CIMAP3: variants seen among roughly 807,000 people sequenced by gnomAD.
CIMAP3 encodes the protein ciliary microtubule-associated protein 3.
At chr1:111,346,397 C>T in the CIMAP3 span, 4 of 470,020 alleles carry the variant, frequency 8.5e-6, no homozygotes, top group African/African-American at 7.9e-5. Context: ...GCCGCCCCGT[C>T]AACCCTGCAG....
At chr1:111,335,127 CAAAAAAAAAAAA>C in the CIMAP3 span, among the ~76,000 whole-genome samples, 4 of 29,318 alleles carry the variant, frequency 1.4e-4, no homozygotes, top group South Asian at 2.1e-3. Flanking sequence ...GTCTCTGTCT[CAAAAAAAAAAAA>C]AAAAAAAAAA....
chr1:111,350,033 C>A, the CIMAP3 span: 1 of 1,205,786 alleles, frequency 8.3e-7, no homozygotes, highest in Non-Finnish European at 1.2e-6. Flanking sequence ...AGTCCAGGGA[C>A]GGCTCTGGTA....
the CIMAP3 span, chr1:111,347,121 C>A: frequency 1.3e-6 from 2 of 1,485,410 alleles, no homozygotes; most frequent in Non-Finnish European, 1.8e-6. Flanking sequence ...TTCCAAGTTT[C>A]GTAAAAGAAA....
At chr1:111,350,353 A>C in the CIMAP3 span, 3 of 707,352 alleles carry the variant, frequency 4.2e-6, no homozygotes, top group Non-Finnish European at 7.3e-6. Context: ...TATATGCACA[A>C]TTTTGTGTGT....
chr1:111,331,474 G>A, the CIMAP3 span, among the ~76,000 whole-genome samples: 1 of 152,022 alleles, frequency 6.6e-6, no homozygotes, highest in Non-Finnish European at 1.5e-5. Flanking sequence ...ACTTAGTCCA[G>A]TCTGTTGTTG....
At chr1:111,334,252 A>G in the CIMAP3 span, among the ~76,000 whole-genome samples, 161 of 152,348 alleles carry the variant, frequency 1.1e-3, no homozygotes, top group African/African-American at 3.7e-3. Context: ...ATACCAAGAA[A>G]GAAAGAACAT....
At chr1:111,340,426 A>C in the CIMAP3 span, among the ~76,000 whole-genome samples, 2 of 152,254 alleles carry the variant, frequency 1.3e-5, no homozygotes, top group Middle Eastern at 3.4e-3. Context: ...GGCAACCCAC[A>C]AAATTGGAGA....
At chr1:111,351,318 T>C in the CIMAP3 span, 26 of 1,578,320 alleles carry the variant, frequency 1.6e-5, no homozygotes, top group Non-Finnish European at 2.1e-5. Flanking sequence ...TAAGCCTGTA[T>C]TATAATTGAG....
the CIMAP3 span, chr1:111,346,239 C>T: frequency 6.0e-6 from 1 of 166,352 alleles, no homozygotes; most frequent in Non-Finnish European, 1.3e-5. Context: ...TGGGGCGTTG[C>T]CCAGGGAGTC....
At chr1:111,350,935 A>G in the CIMAP3 span, among the ~76,000 whole-genome samples, 1 of 152,220 alleles carries the variant, frequency 6.6e-6, no homozygotes, top group Non-Finnish European at 1.5e-5. Flanking sequence ...TTAAATGCCA[A>G]ATGTATTAAC....
chr1:111,340,845 TC>T, the CIMAP3 span, among the ~76,000 whole-genome samples: 1 of 152,194 alleles, frequency 6.6e-6, no homozygotes, highest in East Asian at 1.9e-4. Flanking sequence ...GACCCAGCCA[TC>T]CCATTACTGG....
the CIMAP3 span, among the ~76,000 whole-genome samples, chr1:111,334,434 C>A: frequency 6.6e-6 from 1 of 152,096 alleles, no homozygotes; most frequent in Admixed American, 6.5e-5. Context: ...AAAAACCAAA[C>A]AAGCCAGACA....
chr1:111,348,499 C>CT, the CIMAP3 span: 1 of 1,586,258 alleles, frequency 6.3e-7, no homozygotes, highest in African/African-American at 1.4e-5. Flanking sequence ...ACATAATGAT[C>CT]TTTTTCTTGG....
At chr1:111,351,369 T>C in the CIMAP3 span, 1 of 1,444,516 alleles carries the variant, frequency 6.9e-7, no homozygotes, top group Middle Eastern at 1.8e-4. Flanking sequence ...ATACACAGAC[T>C]CTCCAGGACT....
the CIMAP3 span, among the ~76,000 whole-genome samples, chr1:111,344,389 T>C: frequency 6.6e-6 from 1 of 152,314 alleles, no homozygotes; most frequent in East Asian, 1.9e-4. Context: ...TGTTTCCGAG[T>C]TCTCAGAGGC....
At chr1:111,329,406 G>A in the CIMAP3 span, among the ~76,000 whole-genome samples, 1 of 151,460 alleles carries the variant, frequency 6.6e-6, no homozygotes. Flanking sequence ...GCATGGTTGG[G>A]GAAGTTTTCA....
chr1:111,342,836 A>G, the CIMAP3 span, among the ~76,000 whole-genome samples: 7 of 152,142 alleles, frequency 4.6e-5, no homozygotes, highest in Non-Finnish European at 8.8e-5. Flanking sequence ...GAATGGCAGG[A>G]GAGGTGCCAC....
the CIMAP3 span, among the ~76,000 whole-genome samples, chr1:111,340,494 G>T: frequency 6.0e-3 from 904 of 150,300 alleles, 4 homozygotes; most frequent in Non-Finnish European, 8.8e-3. Context: ...TACAATGAAC[G>T]CAAACAAATT....
chr1:111,348,808 T>C, the CIMAP3 span: 1 of 740,520 alleles, frequency 1.4e-6, no homozygotes, highest in Non-Finnish European at 2.1e-6. Context: ...ATTTCTGGCA[T>C]TGTAGAATGT....
Sources: allele counts gnomAD v4.1 joint callset (sites outside exome capture counted in the v4.1 genomes callset), GRCh38; gene constraint gnomAD v4.1.1; transcripts MANE v1.5; gene names NCBI Gene and HGNC (gene_info 2026-07-23, HGNC 2026-07-21).